The following KIAA1549L variants were observed in gnomAD, a reference collection of about 807,000 sequenced individuals.
KIAA1549L encodes UPF0606 protein KIAA1549L.
Under a neutral mutation model 160.7 loss-of-function variants are expected in KIAA1549L, and 88 were observed. That is an observed-to-expected ratio of 0.55 (90% CI 0.46 to 0.65). KIAA1549L has a LOEUF of 0.65. Ranked by LOEUF, KIAA1549L falls within the 30% of genes least tolerant of loss-of-function variation. KIAA1549L has a pLI of 0.00. For synonymous variants in KIAA1549L, 950 were observed against 976.7 expected (o/e 0.97, Z 0.51); for missense variants, 2,258 against 2,437.5 (o/e 0.93, Z 1.55).
At chr11:33,639,114 T>C (rs952804459) in intron 16 of KIAA1549L, among the ~76,000 whole-genome samples, 1 of 152,242 alleles carries the variant, frequency 6.6e-6, no homozygotes, top group African/African-American at 2.4e-5. Flanking sequence ...AGCTACAGAA[T>C]GTGCCCCAGG....
intron 1 of KIAA1549L, among the ~76,000 whole-genome samples, chr11:33,400,943 A>G (rs997173383): frequency 6.6e-6 from 1 of 152,086 alleles, no homozygotes; most frequent in Admixed American, 6.6e-5. Context: ...ATAATGTTGG[A>G]TCTGTCCTTC....
intron 1 of KIAA1549L, among the ~76,000 whole-genome samples, chr11:33,416,529 T>A (rs1311602276): frequency 6.6e-6 from 1 of 152,146 alleles, no homozygotes; most frequent in Non-Finnish European, 1.5e-5. Context: ...AACAGCTATT[T>A]ACATAGCATT....
chr11:33,390,232 C>T (rs1250361947), intron 1 of KIAA1549L, among the ~76,000 whole-genome samples: 1 of 152,140 alleles, frequency 6.6e-6, no homozygotes, highest in East Asian at 1.9e-4. Flanking sequence ...GATTCCAGAG[C>T]CCACACTCTG....
At chr11:33,608,696 C>G (rs1424796503) in intron 14 of KIAA1549L, among the ~76,000 whole-genome samples, 2 of 152,248 alleles carry the variant, frequency 1.3e-5, no homozygotes, top group Non-Finnish European at 2.9e-5. Context: ...GGCCCATCAC[C>G]TTGTCAAAGA....
intron 16 of KIAA1549L, among the ~76,000 whole-genome samples, chr11:33,621,802 C>T (rs926477983): frequency 2.0e-5 from 3 of 152,240 alleles, no homozygotes; most frequent in African/African-American, 4.8e-5. Context: ...TAAATCATCC[C>T]CCAGAAAGAA....
chr11:33,401,995 C>A (rs1329368359), intron 1 of KIAA1549L, among the ~76,000 whole-genome samples: 1 of 152,224 alleles, frequency 6.6e-6, no homozygotes, highest in Non-Finnish European at 1.5e-5. Flanking sequence ...GCCAGTTGTT[C>A]CCGTGGGGGA....
At chr11:33,512,330 C>T (rs1450851648) in intron 1 of KIAA1549L, among the ~76,000 whole-genome samples, 2 of 152,178 alleles carry the variant, frequency 1.3e-5, no homozygotes, top group Non-Finnish European at 2.9e-5. Context: ...TTTTAATTGG[C>T]TGACATTTAA....
At chr11:33,569,954 AT>A (rs1855187392) in intron 9 of KIAA1549L, among the ~76,000 whole-genome samples, 1 of 150,476 alleles carries the variant, frequency 6.6e-6, no homozygotes, top group South Asian at 2.1e-4. Context: ...AACCTAACAC[AT>A]TTTGCATGCC....
chr11:33,566,117 A>G (rs1351500694), intron 8 of KIAA1549L, among the ~76,000 whole-genome samples: 1 of 152,156 alleles, frequency 6.6e-6, no homozygotes, highest in Non-Finnish European at 1.5e-5. Context: ...TATCCACAAT[A>G]TTGTATAACC....
rs1398414364 is a variant in KIAA1549L, at chr11:33,669,398, C to G, written c.*1244C>G. 6.6e-6 allele frequency: 1 copy of G among 152,202 alleles called. No homozygotes were observed. Among genetic ancestry groups the G allele is most frequent in the Non-Finnish European group, 1.5e-5 (1 of 68,048 alleles). 9.4% of individuals were successfully genotyped at this position (152,202 alleles called of 1,614,324 possible). A position where few individuals can be genotyped will look rare whatever the true frequency, so the allele number is the denominator to read the frequency against. On this transcript the variant is annotated 3_prime_UTR_variant, in exon 21 of 21. Transcript: ENST00000658780. Reference sequence around the variant, plus strand: ...GGGTAGAGGACATCGCCTCACGGCACTGAGGCACCAGCCGCTGCCTACCCA... The same window carrying G: ...GGGTAGAGGACATCGCCTCACGGCAGTGAGGCACCAGCCGCTGCCTACCCA...
At chr11:33,498,703 A>G (rs1010192164) in intron 1 of KIAA1549L, among the ~76,000 whole-genome samples, 2 of 152,204 alleles carry the variant, frequency 1.3e-5, no homozygotes, top group Non-Finnish European at 2.9e-5. Flanking sequence ...AGGTCAGCCT[A>G]GATTCAAAGG....
At chr11:33,614,531 GATATAT>G (rs780446812) in intron 15 of KIAA1549L, among the ~76,000 whole-genome samples, 1,593 of 27,074 alleles carry the variant, frequency 0.059, 413 homozygotes, top group Middle Eastern at 0.15. Context: ...AGTGTAACAA[GATATAT>G]ATATATATAT....
intron 11 of KIAA1549L, among the ~76,000 whole-genome samples, chr11:33,590,043 C>A (rs1850002541): frequency 6.6e-6 from 1 of 152,092 alleles, no homozygotes. Context: ...TATGATTTAT[C>A]AGGAAAGCAA....
rs1421940845 is a variant in KIAA1549L, at chr11:33,544,239, A to G, written c.2676A>G (p.Gly892=). ...NASTPFQNIL[G]YHSAAESSIS... is the part of the protein sequence containing the mutation. ...CCACACCATTCCAGAACATCTTGGG[A>G]TATCACTCTGCTGCTGAATCTTCTA... Residue 892 remains glycine, a synonymous_variant, in exon 2 of 21, where the codon GGA becomes GGG. Coordinates refer to ENST00000658780, the MANE Select transcript of KIAA1549L (RefSeq NM_012194.3). The G allele has an allele frequency of 6.2e-7, 1 of 1,613,862 alleles. No individual in the cohort carries two copies. The highest frequency in any genetic ancestry group is 8.5e-7 in the Non-Finnish European group (1 of 1,179,872).
chr11:33,521,710 G>T lies in KIAA1549L; in HGVS notation c.239-20092G>T, dbSNP rs554875086. On this transcript the variant is annotated intron_variant, in intron 1 of 20. Coordinates refer to ENST00000658780, the MANE Select transcript of KIAA1549L (RefSeq NM_012194.3). ...TCTCTCTTAGGCCTCTCTTAGACAAGAAAGTTCTCTGGACTGGCTAAGCCA... is the reference window on the plus strand; with the variant it reads ...TCTCTCTTAGGCCTCTCTTAGACAATAAAGTTCTCTGGACTGGCTAAGCCA... Among the ~76,000 whole-genome samples the T allele has an allele frequency of 2.0e-5, 3 of 152,312 alleles. No homozygotes were observed. The Middle Eastern group carries it at 0.01, about 518-fold the overall frequency.
chr11:33,490,406 C>T (rs1852629972), intron 1 of KIAA1549L, among the ~76,000 whole-genome samples: 1 of 151,694 alleles, frequency 6.6e-6, no homozygotes, highest in South Asian at 2.1e-4. Flanking sequence ...TCACTGCAAC[C>T]TCCGCCCTCT....
intron 15 of KIAA1549L, among the ~76,000 whole-genome samples, chr11:33,618,116 C>A (rs1193129331): frequency 6.6e-6 from 1 of 152,176 alleles, no homozygotes; most frequent in Non-Finnish European, 1.5e-5. Flanking sequence ...ATCATAGAAT[C>A]CTGCGTGTGA....
At chr11:33,420,224 GTTTTTTTTTTGTT>G (rs1471108385) in intron 1 of KIAA1549L, among the ~76,000 whole-genome samples, 9 of 104,510 alleles carry the variant, frequency 8.6e-5, no homozygotes, top group African/African-American at 2.5e-4. Context: ...GTATCTCAAA[GTTTTTTTTTTGTT>G]TTTTTTTTTT....
intron 1 of KIAA1549L, among the ~76,000 whole-genome samples, chr11:33,422,155 T>C (rs1851025610): frequency 6.6e-6 from 1 of 152,018 alleles, no homozygotes; most frequent in Non-Finnish European, 1.5e-5. Context: ...GCAAATGTCA[T>C]CCAAGATCCG....
Sources: allele counts gnomAD v4.1 joint callset (sites outside exome capture counted in the v4.1 genomes callset), GRCh38; gene constraint gnomAD v4.1.1; transcripts MANE v1.5; gene names NCBI Gene and HGNC (gene_info 2026-07-23, HGNC 2026-07-21).